The following CNTN1 variants were observed in gnomAD, a reference collection of about 807,000 sequenced individuals.
CNTN1 encodes contactin-1.
CNTN1 carries 38 observed loss-of-function variants against 126.4 expected under a neutral mutation model. That is an observed-to-expected ratio of 0.30 (90% CI 0.23 to 0.39). The LOEUF (loss-of-function observed/expected upper bound fraction) is 0.39, where lower values mean the gene tolerates loss of function less well. Among genes scored for constraint, CNTN1 ranks in the 10% least tolerant of loss-of-function variants. The probability of loss-of-function intolerance (pLI) is 1.00; values close to 1 mark genes in which losing one functional copy is unlikely to be tolerated. For missense variants in CNTN1, 1,009 were observed against 1,248.4 expected (o/e 0.81, Z 2.89); for synonymous variants, 413 against 422.6 (o/e 0.98, Z 0.28).
intron 17 of CNTN1, among the ~76,000 whole-genome samples, chr12:41,002,251 G>C (rs183477733): frequency 2.0e-5 from 3 of 152,148 alleles, no homozygotes; most frequent in African/African-American, 7.2e-5. Flanking sequence ...TTATAGTATT[G>C]ATGCTTTCTA....
intron 23 of CNTN1, among the ~76,000 whole-genome samples, chr12:41,041,220 C>T (rs11179595): frequency 2.0e-5 from 3 of 150,052 alleles, no homozygotes; most frequent in South Asian, 2.1e-4. Context: ...ATTACATTTA[C>T]TGATTTGCAT....
chr12:40,939,212 C>A, intron 11 of CNTN1, 123 bp from the exon 12 acceptor site: 1 of 1,040,606 alleles, frequency 9.6e-7, no homozygotes, highest in Non-Finnish European at 1.4e-6. Flanking sequence ...GACAGCTGAT[C>A]ATATTTACCG....
At position 41,022,714 on chromosome 12, in the gene CNTN1, C is replaced by T. The variant is rs540159790; in HGVS notation, c.2523+2274C>T. ...CTAAGCTCATTTTATTAAATCCACA[C>T]AACCCTAGAGGATAGACACTATTAT... On this transcript the variant is annotated intron_variant, in intron 20 of 23. Transcript: ENST00000551295. Among the ~76,000 whole-genome samples the T allele has an allele frequency of 3.3e-5, 5 of 152,290 alleles. No homozygotes were observed. The South Asian group carries it at 8.3e-4, about 25-fold the overall frequency.
intron 15 of CNTN1, 31 bp downstream of exon 15, chr12:40,959,265 A>G: frequency 6.2e-7 from 1 of 1,610,268 alleles, no homozygotes; most frequent in Non-Finnish European, 8.5e-7. Context: ...AAATTACAAA[A>G]CCAAAAGTAT....
Position 40,795,319 on chromosome 12 carries a change from A to T in CNTN1, c.-77+102727A>T, listed in dbSNP as rs1015303737. Among the ~76,000 whole-genome samples, 52 of 8,554 alleles carry T rather than the reference A, an allele frequency of 6.1e-3. 1 individual carries two copies. Among genetic ancestry groups the T allele is most frequent in the Non-Finnish European group, 8.0e-3 (24 of 2,990 alleles). 5.6% of individuals were successfully genotyped at this position (8,554 alleles called of 152,430 possible). The stretch of plus-strand genomic sequence containing the variant: ...CACACACACACACACACACACACAC[A>T]TTTTTTTTTTTTTTTTGAAACAAAG... On this transcript the variant is annotated intron_variant, in intron 1 of 23. Transcript: ENST00000551295.
chr12:40,694,695 T>C (rs915650358), intron 1 of CNTN1, among the ~76,000 whole-genome samples: 5 of 152,238 alleles, frequency 3.3e-5, no homozygotes, highest in African/African-American at 1.2e-4. Flanking sequence ...ATTTTGAAGA[T>C]AAATTATTTA....
chr12:40,781,031 G>T (rs1306292923), intron 1 of CNTN1, among the ~76,000 whole-genome samples: 9 of 151,734 alleles, frequency 5.9e-5, no homozygotes, highest in Admixed American at 5.9e-4. Context: ...TTAGCAAGAG[G>T]TATCTCATCT....
At chr12:41,069,375 A>G (rs1414392498) in intron 23 of CNTN1, among the ~76,000 whole-genome samples, 1 of 152,196 alleles carries the variant, frequency 6.6e-6, no homozygotes, top group Non-Finnish European at 1.5e-5. Flanking sequence ...TTTACCTAGC[A>G]TACCTATGTT....
chr12:41,028,995 T>C (rs932155097), intron 22 of CNTN1, 68 bp from the exon 23 acceptor site: 21 of 1,440,426 alleles, frequency 1.5e-5, no homozygotes, highest in Middle Eastern at 1.8e-4. Context: ...TTTATTCTGG[T>C]TTTAGTGTTA....
At chr12:40,848,608 G>A (rs1437597716) in intron 1 of CNTN1, among the ~76,000 whole-genome samples, 1 of 151,948 alleles carries the variant, frequency 6.6e-6, no homozygotes, top group East Asian at 1.9e-4. Flanking sequence ...CTTTTAAAAC[G>A]ATATAGATGT....
In CNTN1 at chr12:41,070,207, C is replaced by A. The variant is rs558065524; in HGVS notation, c.*172C>A. The A allele has an allele frequency of 1.2e-5, 8 of 653,912 alleles. No individual in the cohort carries two copies. Among genetic ancestry groups the A allele is most frequent in the South Asian group, 8.5e-5 (5 of 58,978 alleles). The allele number at this position is 653,912 out of a possible 1,614,324, so 40.5% of individuals were successfully genotyped here. A position where few individuals can be genotyped will look rare whatever the true frequency, so the allele number is the denominator to read the frequency against. ...CATGATGACTGAGGCATTCGGGAAC[C>A]CCTTCATCCAAAAGAATAAACTTTT... On this transcript the variant is annotated 3_prime_UTR_variant, in exon 24 of 24. Transcript: ENST00000551295.
chr12:40,944,171 G>A lies in CNTN1; in HGVS notation c.1683+1G>A, dbSNP rs1555185778. The A allele has an allele frequency of 6.2e-7, 1 of 1,611,666 alleles. No homozygotes were observed. Among genetic ancestry groups the A allele is most frequent in the South Asian group, 1.1e-5 (1 of 91,034 alleles). On this transcript the variant is annotated splice_donor_variant, in intron 14 of 23. Coordinates refer to ENST00000551295, the MANE Select transcript of CNTN1 (RefSeq NM_001843.4). LOFTEE classifies it high-confidence loss of function. ...TATTCACTACCAGAGGAATTTTATG[G>A]TATGTGTTTTAAGTTTCATCTTATT...
rs200524605 is a variant in CNTN1 at position 40,906,275 on chromosome 12, G to GA, written c.-76-2073dup. Among the ~76,000 whole-genome samples, 294 of 150,764 alleles carry GA rather than the reference G, an allele frequency of 2.0e-3. 1 individual carries two copies. Among genetic ancestry groups the GA allele is most frequent in the African/African-American group, 6.5e-3 (267 of 41,146 alleles). On this transcript the variant is annotated intron_variant, in intron 1 of 23. Transcript: ENST00000551295. ...GACAGAGAGAGACTACGTCTCAAAA[G>GA]AAAAAAAAATTGCTTTTCATTCTTC... is the stretch of plus-strand genomic sequence containing the variant.
intron 23 of CNTN1, among the ~76,000 whole-genome samples, chr12:41,038,580 C>G (rs1325715783): frequency 6.6e-6 from 1 of 152,014 alleles, no homozygotes; most frequent in Non-Finnish European, 1.5e-5. Flanking sequence ...TTCTGAGGTA[C>G]TAGGGGGTTA....
At chr12:40,773,236 A>G (rs1174063221) in intron 1 of CNTN1, among the ~76,000 whole-genome samples, 2 of 151,822 alleles carry the variant, frequency 1.3e-5, no homozygotes, top group Non-Finnish European at 2.9e-5. Context: ...TATGAGACAA[A>G]GTGCTGATAA....
intron 1 of CNTN1, among the ~76,000 whole-genome samples, chr12:40,894,831 TTGAG>T (rs1256413620): frequency 6.6e-6 from 1 of 152,152 alleles, no homozygotes; most frequent in African/African-American, 2.4e-5. Flanking sequence ...AGTGGGGAAT[TTGAG>T]TGTCATTTCT....
intron 1 of CNTN1, among the ~76,000 whole-genome samples, chr12:40,865,847 T>G (rs1416018035): frequency 6.6e-6 from 1 of 151,994 alleles, no homozygotes; most frequent in Non-Finnish European, 1.5e-5. Context: ...CTTGTCAAAA[T>G]TTGCAAAAAA....
At chr12:41,009,306 C>T (rs34770172) in intron 17 of CNTN1, among the ~76,000 whole-genome samples, 2,415 of 152,232 alleles carry the variant, frequency 0.016, 42 homozygotes, top group Non-Finnish European at 0.022. Flanking sequence ...AAAGGCTTTC[C>T]TTAGAGGACA....
chr12:40,959,446 C>T (rs1411500932), intron 15 of CNTN1, among the ~76,000 whole-genome samples: 2 of 152,022 alleles, frequency 1.3e-5, no homozygotes, highest in Admixed American at 6.6e-5. Context: ...TTACTAACTA[C>T]GTATCTTCTA....
Sources: allele counts gnomAD v4.1 joint callset (sites outside exome capture counted in the v4.1 genomes callset), GRCh38; gene constraint gnomAD v4.1.1; transcripts MANE v1.5; gene names NCBI Gene and HGNC (gene_info 2026-07-23, HGNC 2026-07-21).